Variants in RELN observed in about 807,000 individuals in gnomAD.
RELN encodes the protein reelin.
In RELN, 108 loss-of-function variants were observed where a neutral mutation model predicts 427.6. The ratio of observed to expected loss-of-function variants is 0.25; its 90% confidence interval spans 0.22 to 0.30. The LOEUF (loss-of-function observed/expected upper bound fraction) is 0.30, where lower values mean the gene tolerates loss of function less well. Among genes scored for constraint, RELN ranks in the 10% least tolerant of loss-of-function variants. The pLI is 1.00. For missense variants in RELN, 3,715 were observed against 4,302.8 expected (o/e 0.86, Z 3.82); for synonymous variants, 1,524 against 1,513.4 (o/e 1.01, Z -0.16).
At chr7:103,762,259 T>C (rs1158129055) in intron 4 of RELN, among the ~76,000 whole-genome samples, 1 of 152,190 alleles carries the variant, frequency 6.6e-6, no homozygotes, top group Non-Finnish European at 1.5e-5. Flanking sequence ...ATTTGGAAGC[T>C]ACTTGCTGTG....
intron 28 of RELN, among the ~76,000 whole-genome samples, chr7:103,588,761 T>C (rs1309479687): frequency 4.6e-5 from 7 of 152,186 alleles, no homozygotes; most frequent in Admixed American, 4.6e-4. Flanking sequence ...AGTGAGTGTT[T>C]TGAAGATCAT....
chr7:103,859,467 G>A (rs540897501), intron 2 of RELN, among the ~76,000 whole-genome samples: 1 of 151,938 alleles, frequency 6.6e-6, no homozygotes, highest in Non-Finnish European at 1.5e-5. Context: ...CTAATTTTTT[G>A]TATTTTTAGT....
At chr7:103,587,301 T>C (rs1207891000) in intron 28 of RELN, among the ~76,000 whole-genome samples, 1 of 152,142 alleles carries the variant, frequency 6.6e-6, no homozygotes, top group Non-Finnish European at 1.5e-5. Context: ...CTGCAATAAA[T>C]GGTGCTGGGA....
chr7:103,905,130 G>A (rs568746002), intron 2 of RELN, among the ~76,000 whole-genome samples: 1 of 151,966 alleles, frequency 6.6e-6, no homozygotes, highest in South Asian at 2.1e-4. Context: ...ACAGACATGT[G>A]CCACCACACC....
Position 103,942,624 on chromosome 7 carries a change from G to A in RELN, c.227-25439C>T, listed in dbSNP as rs1253155811. ...GATGGATGTTTAATAGGTATTCAAAGAATTCTTGGCTGGGTGTGGTGGCTC... is the reference window on the plus strand; with the variant it reads ...GATGGATGTTTAATAGGTATTCAAAAAATTCTTGGCTGGGTGTGGTGGCTC... On this transcript the variant is annotated intron_variant, in intron 1 of 64. Transcript: ENST00000428762. Among the ~76,000 whole-genome samples the A allele has an allele frequency of 2.6e-5, 4 of 152,240 alleles. No homozygotes were observed. In the East Asian group the frequency reaches 7.8e-4, roughly 30 times the overall value.
At chr7:103,594,205 C>G in intron 26 of RELN, 116 bp downstream of exon 26, 1 of 1,098,130 alleles carries the variant, frequency 9.1e-7, no homozygotes, top group Non-Finnish European at 1.4e-6. Flanking sequence ...AGTACAAGCC[C>G]TTAAACTTAT....
intron 52 of RELN, among the ~76,000 whole-genome samples, chr7:103,501,172 G>C (rs550912776): frequency 2.0e-5 from 3 of 152,278 alleles, no homozygotes; most frequent in Non-Finnish European, 4.4e-5. Context: ...TGGAATCTCT[G>C]TGTCAAGAAA....
At chr7:103,575,778 C>A in intron 28 of RELN, 73 bp from the exon 29 acceptor site, 1 of 1,520,894 alleles carries the variant, frequency 6.6e-7, no homozygotes, top group South Asian at 1.1e-5. Flanking sequence ...TAGAAAAATT[C>A]AGAAAAACTC....
intron 3 of RELN, among the ~76,000 whole-genome samples, chr7:103,778,000 T>C (rs1452470618): frequency 6.6e-6 from 1 of 152,190 alleles, no homozygotes. Flanking sequence ...ACTCACACCA[T>C]ATGTGAAGCT....
chr7:103,716,516 C>T (rs1584431202), intron 8 of RELN, among the ~76,000 whole-genome samples: 1 of 152,302 alleles, frequency 6.6e-6, no homozygotes, highest in East Asian at 1.9e-4. Context: ...AAACTGCAGG[C>T]TCAGACTAAA....
chr7:103,553,876 C>A (rs771230855), intron 38 of RELN, 45 bp from the exon 39 acceptor site: 5 of 1,506,800 alleles, frequency 3.3e-6, no homozygotes, highest in Non-Finnish European at 4.6e-6. Flanking sequence ...TGATGAAAAT[C>A]AAATGAACAC....
intron 8 of RELN, among the ~76,000 whole-genome samples, chr7:103,718,477 C>G (rs919964873): frequency 2.0e-5 from 3 of 152,074 alleles, no homozygotes; most frequent in African/African-American, 2.4e-5. Flanking sequence ...TAATTACGTA[C>G]TGATAAACAC....
At chr7:103,883,473 G>C (rs980983664) in intron 2 of RELN, among the ~76,000 whole-genome samples, 2 of 152,190 alleles carry the variant, frequency 1.3e-5, no homozygotes, top group Non-Finnish European at 2.9e-5. Flanking sequence ...TGTTCGAATA[G>C]GAAAAGAGGA....
chr7:103,744,499 A>C (rs1052151488), intron 6 of RELN, among the ~76,000 whole-genome samples: 2 of 152,178 alleles, frequency 1.3e-5, no homozygotes, highest in Non-Finnish European at 2.9e-5. Flanking sequence ...AAAGATCAAC[A>C]AAACTGATAG....
intron 8 of RELN, among the ~76,000 whole-genome samples, chr7:103,722,809 A>C (rs1414767637): frequency 6.6e-6 from 1 of 152,178 alleles, no homozygotes; most frequent in Non-Finnish European, 1.5e-5. Flanking sequence ...ACATATTTCA[A>C]TCTTAATCTG....
intron 3 of RELN, among the ~76,000 whole-genome samples, chr7:103,787,210 G>A (rs2116254485): frequency 6.6e-6 from 1 of 152,186 alleles, no homozygotes; most frequent in South Asian, 2.1e-4. Context: ...TGTTTAGAGG[G>A]AAATTCATAG....
At chr7:103,695,005 A>T (rs1833948173) in intron 10 of RELN, among the ~76,000 whole-genome samples, 1 of 152,094 alleles carries the variant, frequency 6.6e-6, no homozygotes, top group South Asian at 2.1e-4. Flanking sequence ...CAAAAAATAC[A>T]ACTCCAAAAA....
chr7:103,952,364 G>T (rs532164947), intron 1 of RELN, among the ~76,000 whole-genome samples: 15 of 152,212 alleles, frequency 9.9e-5, no homozygotes, highest in African/African-American at 3.4e-4. Flanking sequence ...CAGATATACT[G>T]TGCAATATTA....
intron 1 of RELN, among the ~76,000 whole-genome samples, chr7:103,972,659 G>T (rs1796787575): frequency 6.6e-6 from 1 of 152,166 alleles, no homozygotes; most frequent in African/African-American, 2.4e-5. Context: ...GACATTACTA[G>T]ATTTAGGAAA....
Sources: gnomAD v4.1 joint callset for allele counts (sites outside exome capture counted in the v4.1 genomes callset) on GRCh38, gnomAD v4.1.1 for gene constraint, MANE v1.5 for transcripts, NCBI Gene and HGNC (gene_info 2026-07-23, HGNC 2026-07-21) for gene names.